The following GNL2 variants were observed in gnomAD, a reference collection of about 807,000 sequenced individuals.
GNL2 encodes the protein nucleolar GTP-binding protein 2.
Under a neutral mutation model 92.3 loss-of-function variants are expected in GNL2, and 51 were observed. The observed-to-expected ratio is 0.55, with a 90% CI of 0.44 to 0.70. The LOEUF (loss-of-function observed/expected upper bound fraction) is 0.70. Ranked by LOEUF, GNL2 falls within the 30% of genes least tolerant of loss-of-function variation. The pLI is 0.00. For synonymous variants in GNL2, 283 were observed against 300.6 expected, an observed-to-expected ratio of 0.94 and a Z score of 0.61; for missense variants, 844 against 895.6, an observed-to-expected ratio of 0.94 and a Z score of 0.74.
chr1:37,574,528 A>T (rs1643646557), intron 11 of GNL2, 72 bp from the exon 12 acceptor site: 2 of 1,426,964 alleles, frequency 1.4e-6, no homozygotes, highest in Non-Finnish European at 2.0e-6. Context: ...GGGGTATTTC[A>T]GTTGTCCCAG....
chr1:37,573,326 A>G (rs953920097), intron 12 of GNL2, among the ~76,000 whole-genome samples: 2 of 152,250 alleles, frequency 1.3e-5, no homozygotes, highest in Non-Finnish European at 2.9e-5. Context: ...ACCCAACGAC[A>G]CTAGCAAGCA....
At chr1:37,568,401 G>A (rs776169632) in intron 13 of GNL2, 44 bp from the exon 14 acceptor site, 27 of 1,254,800 alleles carry the variant, frequency 2.2e-5, no homozygotes, top group Admixed American at 1.5e-4. Context: ...TCACTCGCCC[G>A]AATCACATAC....
At chr1:37,570,559 T>G (rs1643579485) in intron 12 of GNL2, 1 of 152,020 alleles carries the variant, frequency 6.6e-6, no homozygotes, top group Non-Finnish European at 1.5e-5. Flanking sequence ...GTGAGTTTGT[T>G]ATAAAAGCAA....
intron 14 of GNL2, 38 bp downstream of exon 14, chr1:37,568,237 C>A (rs769973463): frequency 7.7e-7 from 1 of 1,290,460 alleles, no homozygotes; most frequent in East Asian, 2.3e-5. Context: ...TCTAAATATG[C>A]AAATTACATC....
intron 4 of GNL2, among the ~76,000 whole-genome samples, chr1:37,587,887 C>A (rs902312706): frequency 2.0e-5 from 3 of 152,080 alleles, no homozygotes; most frequent in Admixed American, 1.3e-4. Context: ...CAAACAAGAG[C>A]ATAAAATTCG....
rs551760102 is a variant in GNL2 at position 37,568,164 on chromosome 1, T to C, written c.1951+111A>G. The C allele has an allele frequency of 9.0e-5, 61 of 680,630 alleles. 1 individual carries two copies. In the South Asian group the frequency reaches 1.1e-3, roughly 12 times the overall value. The allele number at this position is 680,630 out of a possible 1,614,324, so 42.2% of individuals were successfully genotyped here. A position where few individuals can be genotyped will look rare whatever the true frequency, so the allele number is the denominator to read the frequency against. On this transcript the variant is annotated intron_variant, in intron 14 of 15. Transcript: ENST00000373062. ...TGTAAATTTAAAGTAATCTGCCAGA[T>C]ATGACAAACATTTATGTGGATGACT...
At chr1:37,590,416 T>C (rs936822890) in intron 4 of GNL2, among the ~76,000 whole-genome samples, 2 of 152,242 alleles carry the variant, frequency 1.3e-5, no homozygotes, top group Non-Finnish European at 2.9e-5. Context: ...CTATCTATAC[T>C]TTCAAGGCAA....
intron 12 of GNL2, chr1:37,569,511 G>A (rs1643563394): frequency 5.6e-6 from 3 of 534,834 alleles, no homozygotes; most frequent in Non-Finnish European, 6.6e-6. Flanking sequence ...GAATACATGT[G>A]TAGTTCCACA....
At chr1:37,591,169 G>T (rs969354003) in intron 3 of GNL2, among the ~76,000 whole-genome samples, 55 of 152,192 alleles carry the variant, frequency 3.6e-4, no homozygotes, top group Non-Finnish European at 5.9e-4. Flanking sequence ...CTACCTGCTA[G>T]ATCTAGCAGA....
chr1:37,589,831 A>G (rs1425739074), intron 4 of GNL2, among the ~76,000 whole-genome samples: 1 of 152,234 alleles, frequency 6.6e-6, no homozygotes, highest in East Asian at 1.9e-4. Flanking sequence ...CAATGTGACC[A>G]GCACCCCTTC....
At chr1:37,567,838 T>C (rs1280103171) in intron 14 of GNL2, 74 bp from the exon 15 acceptor site, 2 of 1,151,698 alleles carry the variant, frequency 1.7e-6, no homozygotes, top group Non-Finnish European at 2.6e-6. Flanking sequence ...GGGAACAAGC[T>C]TGATGTATCA....
chr1:37,575,842 ACTCT>A lies in GNL2; in HGVS notation c.1039-147_1039-144del. ...AACGCGCTAAGTAATTAAGCTACTA[ACTCT>A]CTCATCTGTGCCGTGCACAAGATAC... is the stretch of plus-strand genomic sequence containing the variant. On this transcript the variant is annotated intron_variant, in intron 9 of 15. Coordinates refer to ENST00000373062, the MANE Select transcript of GNL2 (RefSeq NM_013285.3). This position sits in a 1 kb window ranked among gnomAD's most constrained non-coding sequence, Gnocchi z 4.1. 1 of 580,772 alleles carries A rather than the reference ACTCT, an allele frequency of 1.7e-6. No individual in the cohort carries two copies. Among genetic ancestry groups the A allele is most frequent in the Non-Finnish European group, 3.0e-6 (1 of 329,380 alleles). 36.0% of individuals were successfully genotyped at this position (580,772 alleles called of 1,614,324 possible). A position where few individuals can be genotyped will look rare whatever the true frequency, so the allele number is the denominator to read the frequency against.
chr1:37,574,387 A>C lies in GNL2; in HGVS notation c.1372T>G (p.Phe458Val), dbSNP rs1419370976. Reference protein sequence around the residue: ...LNDWQRGRIPFFVKPPNAEPL... With the variant: ...LNDWQRGRIPVFVKPPNAEPL... ...TCTGCATTGGGTGGCTTGACAAAGAAAGGAATCCGGCCCCTCTGCCAGTCA... is the reference window on the plus strand; with the variant it reads ...TCTGCATTGGGTGGCTTGACAAAGACAGGAATCCGGCCCCTCTGCCAGTCA... The change falls in exon 12 of 16, where the codon TTC becomes GTC. Residue 458 changes from phenylalanine to valine, a missense_variant. Phe to Val is a conservative substitution (Grantham distance 50). Transcript: ENST00000373062. 3.1e-6 allele frequency: 5 copies of C among 1,613,958 alleles called. No individual in the cohort carries two copies. The Admixed American group carries it at 8.3e-5, about 27-fold the overall frequency.
rs750589653 is a variant in GNL2, at chr1:37,576,474, C to A, written c.992G>T (p.Arg331Leu). The change falls in exon 9 of 16, where the codon CGT becomes CTT. Residue 331 changes from arginine to leucine, a missense_variant. Physicochemically the swap from Arg to Leu is moderately radical, Grantham distance 102 (BLOSUM62 -2). Coordinates refer to ENST00000373062, the MANE Select transcript of GNL2 (RefSeq NM_013285.3). The stretch of plus-strand genomic sequence containing the variant: ...AGCCACGTTGCAAACTTTCTTAGAA[C>A]GCAATGTATTTATCACAGAGCTCTT... ...VGKSSVINTL[R>L]SKKVCNVAPI... 14 of 1,613,820 alleles carry A rather than the reference C, an allele frequency of 8.7e-6. No homozygotes were observed. The Admixed American group carries it at 2.3e-4, about 27-fold the overall frequency.
rs775671790 is a variant in GNL2 at position 37,574,365 on chromosome 1, G to A, written c.1394C>T (p.Ala465Val). The A allele has an allele frequency of 4.3e-6, 7 of 1,613,818 alleles. No homozygotes were observed. Among genetic ancestry groups the A allele is most frequent in the Non-Finnish European group, 5.9e-6 (7 of 1,179,796 alleles). ...RIPFFVKPPN[A>V]EPLVAPQLLP... ...TACCTGGGGGGCCACAAGTGGCTCTGCATTGGGTGGCTTGACAAAGAAAGG... is the reference window on the plus strand; with the variant it reads ...TACCTGGGGGGCCACAAGTGGCTCTACATTGGGTGGCTTGACAAAGAAAGG... The change falls in exon 12 of 16, where the codon GCA becomes GTA. Residue 465 changes from alanine (A) to valine (V), a missense_variant. Transcript: ENST00000373062.
At chr1:37,590,594 C>A in intron 4 of GNL2, 112 bp downstream of exon 4, 1 of 845,118 alleles carries the variant, frequency 1.2e-6, no homozygotes, top group Non-Finnish European at 1.9e-6. Context: ...TTCATCATTG[C>A]TACATTAAAG....
intron 1 of GNL2, 67 bp downstream of exon 1, chr1:37,595,692 G>A (rs1265309401): frequency 9.7e-6 from 13 of 1,336,570 alleles, no homozygotes; most frequent in Admixed American, 1.7e-5. Flanking sequence ...TTCCCCTCCA[G>A]TGCTCCTCGG....
intron 10 of GNL2, 133 bp from the exon 11 acceptor site, chr1:37,574,956 C>T: frequency 1.5e-6 from 1 of 661,660 alleles, no homozygotes. Flanking sequence ...AGGAGCCTGT[C>T]TCTGACGGGG....
In GNL2 at chr1:37,576,504, A is replaced by G. The variant is rs1344053444; in HGVS notation, c.962T>C (p.Val321Ala). Residue 321 changes from valine (V) to alanine (A), a missense_variant, in exon 9 of 16, where the codon GTT (valine) becomes GCT (alanine). By Grantham distance (64) the Val-to-Ala change is moderately conservative. Transcript: ENST00000373062. ...ISVGFIGYPN[V>A]GKSSVINTLR... ...TGTATTTATCACAGAGCTCTTGCCA[A>G]CATTTGGATAGCCAATGAACCCAAC... 2.7e-5 allele frequency: 43 copies of G among 1,614,120 alleles called. No homozygotes were observed. The highest frequency in any genetic ancestry group is 3.5e-5 in the Non-Finnish European group (41 of 1,179,940).
Sources: gnomAD v4.1 joint callset for allele counts (sites outside exome capture counted in the v4.1 genomes callset) on GRCh38, gnomAD v4.1.1 for gene constraint, Gnocchi (gnomAD v3.1) non-coding constraint, MANE v1.5 for transcripts, NCBI Gene and HGNC (gene_info 2026-07-23, HGNC 2026-07-21) for gene names.